KCNMA1: variants seen among roughly 807,000 people sequenced by gnomAD.
KCNMA1 encodes the protein Calcium-activated potassium channel subunit alpha-1.
A neutral mutation model predicts 140.0 loss-of-function variants in KCNMA1; 29 were observed. The observed-to-expected ratio is 0.21, with a 90% CI of 0.15 to 0.28. The LOEUF (loss-of-function observed/expected upper bound fraction) is 0.28. Among genes scored for constraint, KCNMA1 ranks in the 10% least tolerant of loss-of-function variants. The pLI is 1.00. For synonymous variants in KCNMA1, 612 were observed against 611.9 expected, an observed-to-expected ratio of 1.00 and a Z score of 0.00; for missense variants, 880 against 1,602.2, an observed-to-expected ratio of 0.55 and a Z score of 7.70.
At chr10:77,389,964 C>T (rs776227828) in intron 2 of KCNMA1, among the ~76,000 whole-genome samples, 10 of 152,322 alleles carry the variant, frequency 6.6e-5, no homozygotes, top group Admixed American at 3.3e-4. Flanking sequence ...CTCTGCTTCA[C>T]GCCAATCACT....
At chr10:77,203,732 G>T (rs7905358) in intron 3 of KCNMA1, among the ~76,000 whole-genome samples, 15,792 of 152,046 alleles carry the variant, frequency 0.1, 2,112 homozygotes, top group African/African-American at 0.3. Flanking sequence ...TAATTCAACA[G>T]TACCAAGATA....
intron 5 of KCNMA1, among the ~76,000 whole-genome samples, chr10:77,164,353 A>T (rs2098608392): frequency 6.6e-6 from 1 of 152,188 alleles, no homozygotes. Flanking sequence ...AAGAGAGATG[A>T]CCTTGACTTC....
At chr10:77,043,830 G>A (rs1260787763) in intron 14 of KCNMA1, among the ~76,000 whole-genome samples, 6 of 152,178 alleles carry the variant, frequency 3.9e-5, no homozygotes, top group African/African-American at 1.4e-4. Context: ...TGGCTGCCAG[G>A]GGTTGCAGGG....
downstream of KCNMA1, chr10:76,884,752 AGAAG>A: frequency 5.8e-6 from 3 of 520,322 alleles, no homozygotes; most frequent in Non-Finnish European, 9.7e-6. Context: ...AGAAAGTGGA[AGAAG>A]GAAGGAAGAG....
chr10:77,331,294 C>T lies in KCNMA1; in HGVS notation c.540+72568G>A, dbSNP rs74140136. Among the ~76,000 whole-genome samples the T allele has an allele frequency of 3.2e-3, 482 of 152,232 alleles. 3 individuals are homozygous for T. Among genetic ancestry groups the T allele is most frequent in the African/African-American group, 0.011 (467 of 41,534 alleles). On this transcript the variant is annotated intron_variant, in intron 2 of 27. Coordinates refer to ENST00000286628, the MANE Select transcript of KCNMA1 (RefSeq NM_001161352.2). ...TAATCTGAGCAATAACTTGCTTATCCTTATATTTAATTTATACAAAAGTGC... is the reference window on the plus strand; with the variant it reads ...TAATCTGAGCAATAACTTGCTTATCTTTATATTTAATTTATACAAAAGTGC...
At chr10:77,290,861 A>G (rs1236315842) in intron 2 of KCNMA1, among the ~76,000 whole-genome samples, 1 of 152,184 alleles carries the variant, frequency 6.6e-6, no homozygotes, top group African/African-American at 2.4e-5. Context: ...TTGCCAAAGG[A>G]GAGGTTAACT....
At chr10:76,982,124 T>G (rs956969282) in intron 19 of KCNMA1, among the ~76,000 whole-genome samples, 4 of 152,194 alleles carry the variant, frequency 2.6e-5, no homozygotes, top group Non-Finnish European at 5.9e-5. Context: ...CTTGTTCTTT[T>G]CTTTAAAATC....
intron 14 of KCNMA1, among the ~76,000 whole-genome samples, chr10:77,046,174 G>A (rs1430020817): frequency 2.6e-5 from 4 of 152,140 alleles, no homozygotes; most frequent in African/African-American, 9.7e-5. Context: ...TGAATTTTCA[G>A]TAAATATTCT....
At chr10:77,184,207 T>G (rs917612539) in intron 4 of KCNMA1, among the ~76,000 whole-genome samples, 6 of 152,122 alleles carry the variant, frequency 3.9e-5, no homozygotes, top group African/African-American at 1.4e-4. Context: ...GAGGTTTATT[T>G]CTATTTACTT....
chr10:77,218,669 G>A (rs1003565068), intron 3 of KCNMA1, among the ~76,000 whole-genome samples: 1 of 152,114 alleles, frequency 6.6e-6, no homozygotes, highest in Non-Finnish European at 1.5e-5. Context: ...ATATGAGACT[G>A]TTGGATTTAT....
intron 1 of KCNMA1, among the ~76,000 whole-genome samples, chr10:77,512,362 A>C (rs926272821): frequency 2.0e-5 from 3 of 152,232 alleles, no homozygotes; most frequent in African/African-American, 7.2e-5. Flanking sequence ...TGTGCTCTGT[A>C]ATGAGACAGA....
At position 77,627,625 on chromosome 10, in the gene KCNMA1, G is replaced by A. The variant is rs372978979; in HGVS notation, c.378+9640C>T. On this transcript the variant is annotated intron_variant, in intron 1 of 27. Coordinates refer to ENST00000286628, the MANE Select transcript of KCNMA1 (RefSeq NM_001161352.2). ...AGGTCATTCTACGTCTCAACACTGCGGACATGGAAACACCACCCAGCTCTG... is the reference window on the plus strand; with the variant it reads ...AGGTCATTCTACGTCTCAACACTGCAGACATGGAAACACCACCCAGCTCTG... 1.2e-4 allele frequency among the ~76,000 whole-genome samples: 18 copies of A among 152,254 alleles called. No individual in the cohort carries two copies. In the East Asian group the frequency reaches 2.7e-3, roughly 23 times the overall value.
chr10:77,085,655 A>G (rs1389321914), intron 11 of KCNMA1, among the ~76,000 whole-genome samples: 1 of 152,146 alleles, frequency 6.6e-6, no homozygotes, highest in Admixed American at 6.5e-5. Context: ...TATGTCACAA[A>G]TCATCTCTGA....
At chr10:77,289,767 A>C (rs536618601) in intron 2 of KCNMA1, among the ~76,000 whole-genome samples, 15 of 152,342 alleles carry the variant, frequency 9.8e-5, no homozygotes, top group South Asian at 2.1e-4. Flanking sequence ...TACATCAAAA[A>C]TTTCCTTCAT....
intron 2 of KCNMA1, among the ~76,000 whole-genome samples, chr10:77,329,294 A>G (rs1408790249): frequency 6.6e-6 from 1 of 152,302 alleles, no homozygotes; most frequent in Admixed American, 6.5e-5. Flanking sequence ...TTGTCCCCTC[A>G]AAATCCATAT....
chr10:77,242,509 C>T (rs1271262628), intron 3 of KCNMA1, among the ~76,000 whole-genome samples: 3 of 152,210 alleles, frequency 2.0e-5, no homozygotes, highest in Admixed American at 6.5e-5. Context: ...ATCTTTTCAA[C>T]TCCTCAACCT....
At chr10:77,183,999 A>T (rs1274858452) in intron 4 of KCNMA1, among the ~76,000 whole-genome samples, 2 of 151,936 alleles carry the variant, frequency 1.3e-5, no homozygotes, top group African/African-American at 4.8e-5. Context: ...AGATTGGGTG[A>T]TTTTACTTGT....
chr10:77,042,329 C>T (rs988258839), intron 14 of KCNMA1, among the ~76,000 whole-genome samples: 1 of 152,140 alleles, frequency 6.6e-6, no homozygotes, highest in African/African-American at 2.4e-5. Flanking sequence ...GACTTATAAG[C>T]AAAGGTCACT....
chr10:77,606,006 T>C (rs2084361261), intron 1 of KCNMA1, among the ~76,000 whole-genome samples: 1 of 152,184 alleles, frequency 6.6e-6, no homozygotes, highest in Non-Finnish European at 1.5e-5. Context: ...CAGGTGCAGA[T>C]AAGCCGCAAC....
Sources: gnomAD v4.1 joint callset for allele counts (sites outside exome capture counted in the v4.1 genomes callset) on GRCh38, gnomAD v4.1.1 for gene constraint, MANE v1.5 for transcripts, NCBI Gene and HGNC (gene_info 2026-07-23, HGNC 2026-07-21) for gene names.